Variants in PHACTR1 observed in about 807,000 individuals in gnomAD.
PHACTR1 encodes RPEL repeat containing 1.
Under a neutral mutation model 69.2 loss-of-function variants are expected in PHACTR1, and 16 were observed. The observed-to-expected ratio is 0.23, with a 90% CI of 0.16 to 0.35. The LOEUF (loss-of-function observed/expected upper bound fraction) is 0.35, where lower values mean the gene tolerates loss of function less well. Among genes scored for constraint, PHACTR1 ranks in the 10% least tolerant of loss-of-function variants. The pLI, the probability that PHACTR1 is intolerant of heterozygous loss-of-function variation, is 1.00. For synonymous variants in PHACTR1, 312 were observed against 284.5 expected (o/e 1.10, Z -0.97); for missense variants, 510 against 734.7 (o/e 0.69, Z 3.54).
intron 4 of PHACTR1, among the ~76,000 whole-genome samples, chr6:12,934,180 C>A (rs1052992720): frequency 1.3e-5 from 2 of 152,154 alleles, no homozygotes; most frequent in Admixed American, 6.5e-5. Flanking sequence ...CAATCTCTGA[C>A]CCCGTCATCC....
At chr6:12,781,913 C>T (rs368502554) in intron 4 of PHACTR1, among the ~76,000 whole-genome samples, 2 of 152,170 alleles carry the variant, frequency 1.3e-5, no homozygotes, top group Admixed American at 6.5e-5. Flanking sequence ...AAGCTGGGAA[C>T]GTGATGTGAC....
intron 4 of PHACTR1, among the ~76,000 whole-genome samples, chr6:13,043,856 G>A (rs1337804427): frequency 3.3e-5 from 5 of 152,202 alleles, no homozygotes; most frequent in Non-Finnish European, 7.4e-5. Flanking sequence ...ATTAACACAA[G>A]ACTTGGGAGT....
chr6:12,992,507 T>C (rs1796933074), intron 4 of PHACTR1, among the ~76,000 whole-genome samples: 1 of 152,232 alleles, frequency 6.6e-6, no homozygotes, highest in African/African-American at 2.4e-5. Context: ...ATTCTCTTTA[T>C]TCTCTGACGT....
intron 10 of PHACTR1, among the ~76,000 whole-genome samples, chr6:13,235,505 G>A (rs939408073): frequency 6.6e-5 from 10 of 152,188 alleles, no homozygotes; most frequent in Non-Finnish European, 1.3e-4. Flanking sequence ...CTCGTGATCT[G>A]CCAGAGACAG....
intron 10 of PHACTR1, among the ~76,000 whole-genome samples, chr6:13,234,574 G>A (rs1335618343): frequency 1.3e-5 from 2 of 152,012 alleles, no homozygotes; most frequent in South Asian, 2.1e-4. Context: ...CCCAAATTGA[G>A]GGTGAGGAAT....
chr6:13,184,776 G>T, intron 7 of PHACTR1: 1 of 1,361,916 alleles, frequency 7.3e-7, no homozygotes. Flanking sequence ...TGTCTCCTGT[G>T]TATCATGTGG....
At chr6:12,799,497 T>C (rs757186615) in intron 4 of PHACTR1, among the ~76,000 whole-genome samples, 4 of 152,166 alleles carry the variant, frequency 2.6e-5, no homozygotes, top group Non-Finnish European at 5.9e-5. Flanking sequence ...GCATTCACAA[T>C]ACCAGGTGCT....
intron 4 of PHACTR1, among the ~76,000 whole-genome samples, chr6:12,873,500 C>T (rs1024565829): frequency 6.6e-6 from 1 of 151,564 alleles, no homozygotes; most frequent in African/African-American, 2.4e-5. Flanking sequence ...CGTTACTGAG[C>T]CTTTAAGTCC....
intron 5 of PHACTR1, among the ~76,000 whole-genome samples, chr6:13,119,069 T>A (rs535059711): frequency 6.6e-6 from 1 of 152,178 alleles, no homozygotes; most frequent in South Asian, 2.1e-4. Flanking sequence ...CCTCTCCTTG[T>A]CTTCTCTTTT....
At chr6:13,046,901 A>G (rs767040368) in intron 4 of PHACTR1, among the ~76,000 whole-genome samples, 4 of 152,198 alleles carry the variant, frequency 2.6e-5, no homozygotes, top group Non-Finnish European at 5.9e-5. Context: ...TCCAGCCTCT[A>G]TAAGTGTATG....
chr6:12,728,872 C>T (rs1763130771), intron 3 of PHACTR1, among the ~76,000 whole-genome samples: 1 of 152,084 alleles, frequency 6.6e-6, no homozygotes. Flanking sequence ...TGATTAAGTC[C>T]ATTTAAGGAG....
At chr6:12,876,424 A>G (rs1185116617) in intron 4 of PHACTR1, among the ~76,000 whole-genome samples, 3 of 152,226 alleles carry the variant, frequency 2.0e-5, no homozygotes, top group Non-Finnish European at 4.4e-5. Context: ...GAAGCAGTTA[A>G]GAGACTTATC....
At chr6:13,009,882 C>T (rs1799245473) in intron 4 of PHACTR1, among the ~76,000 whole-genome samples, 1 of 151,444 alleles carries the variant, frequency 6.6e-6, no homozygotes, top group Admixed American at 6.6e-5. Context: ...ACCACCACCA[C>T]CACCACCACC....
intron 10 of PHACTR1, chr6:13,264,832 G>C (rs1394357053): frequency 6.6e-6 from 1 of 152,254 alleles, no homozygotes; most frequent in Non-Finnish European, 1.5e-5. Flanking sequence ...AGACTGGCCT[G>C]GGCAACACAG....
chr6:13,156,994 A>C (rs142239550), intron 5 of PHACTR1, among the ~76,000 whole-genome samples: 173 of 152,270 alleles, frequency 1.1e-3, no homozygotes, highest in African/African-American at 3.3e-3. Context: ...TCTCTATATT[A>C]AAGTGAATGT....
intron 4 of PHACTR1, among the ~76,000 whole-genome samples, chr6:13,011,040 T>G (rs529748271): frequency 6.6e-6 from 1 of 152,336 alleles, no homozygotes; most frequent in African/African-American, 2.4e-5. Context: ...TGGGCCCTTC[T>G]TCACACACAT....
chr6:13,053,561 G>T, intron 5 of PHACTR1, 32 bp downstream of exon 5: 1 of 1,600,430 alleles, frequency 6.2e-7, no homozygotes, highest in East Asian at 2.2e-5. Flanking sequence ...TTTCCCATTT[G>T]GTGTTTGTTG....
chr6:13,111,650 T>C (rs1275903826), intron 5 of PHACTR1, among the ~76,000 whole-genome samples: 1 of 152,168 alleles, frequency 6.6e-6, no homozygotes, highest in African/African-American at 2.4e-5. Context: ...TCCAACTCTC[T>C]GTGTTCCTTC....
At chr6:12,856,316 C>T (rs1445597486) in intron 4 of PHACTR1, among the ~76,000 whole-genome samples, 1 of 148,214 alleles carries the variant, frequency 6.7e-6, no homozygotes, top group African/African-American at 2.5e-5. Flanking sequence ...TGCAGTGGCG[C>T]GATCTCGGCT....
Sources: allele counts gnomAD v4.1 joint callset (sites outside exome capture counted in the v4.1 genomes callset), GRCh38; gene constraint gnomAD v4.1.1; transcripts MANE v1.5; gene names NCBI Gene and HGNC (gene_info 2026-07-23, HGNC 2026-07-21).